The following GSK3B variants were observed in gnomAD, a reference collection of about 807,000 sequenced individuals.
GSK3B encodes the protein glycogen synthase kinase 3 beta.
A neutral mutation model predicts 56.4 loss-of-function variants in GSK3B; 15 were observed. That is an observed-to-expected ratio of 0.27 (90% CI 0.18 to 0.41). GSK3B has a LOEUF of 0.41. Among genes scored for constraint, GSK3B ranks in the 10% least tolerant of loss-of-function variants. GSK3B has a pLI of 1.00. For missense variants in GSK3B, 300 were observed against 513.4 expected, an observed-to-expected ratio of 0.58 and a Z score of 4.02; for synonymous variants, 181 against 188.9, an observed-to-expected ratio of 0.96 and a Z score of 0.34.
intron 7 of GSK3B, among the ~76,000 whole-genome samples, chr3:119,902,454 G>A (rs978660309): frequency 6.6e-6 from 1 of 152,144 alleles, no homozygotes; most frequent in Non-Finnish European, 1.5e-5. Context: ...AGGCTAGAGT[G>A]CAGTGGTACT....
chr3:120,089,087 T>A (rs1359588426), intron 1 of GSK3B, among the ~76,000 whole-genome samples: 1 of 152,248 alleles, frequency 6.6e-6, no homozygotes, highest in African/African-American at 2.4e-5. Flanking sequence ...ATATAAGGGC[T>A]ACACAGTAAA....
Position 120,048,640 on chromosome 3 carries a change from C to T in GSK3B, c.88+44707G>A, listed in dbSNP as rs890237161. ...CAGTAGTTGGCACATAAAAAATGCACTAGATAGGTGTTTATTACTGCTGCT... is the reference window on the plus strand; with the variant it reads ...CAGTAGTTGGCACATAAAAAATGCATTAGATAGGTGTTTATTACTGCTGCT... On this transcript the variant is annotated intron_variant, in intron 1 of 10. Transcript: ENST00000264235. Among the ~76,000 whole-genome samples, 58 of 152,122 alleles carry T rather than the reference C, an allele frequency of 3.8e-4. 1 individual carries two copies. The highest frequency in any genetic ancestry group is 3.2e-3 in the Admixed American group (49 of 15,278).
chr3:119,922,899 C>T (rs1217481281), intron 4 of GSK3B, among the ~76,000 whole-genome samples: 1 of 151,872 alleles, frequency 6.6e-6, no homozygotes, highest in Non-Finnish European at 1.5e-5. Context: ...TATTAGATAC[C>T]AAAAAATAAA....
chr3:120,071,119 T>G (rs2058323006), intron 1 of GSK3B, among the ~76,000 whole-genome samples: 1 of 152,202 alleles, frequency 6.6e-6, no homozygotes, highest in African/African-American at 2.4e-5. Flanking sequence ...TTCCTAAACT[T>G]TGGCCACAGA....
intron 3 of GSK3B, among the ~76,000 whole-genome samples, chr3:119,933,155 TGTA>T (rs2056963428): frequency 6.6e-6 from 1 of 152,040 alleles, no homozygotes; most frequent in Non-Finnish European, 1.5e-5. Context: ...CCAACAAAAC[TGTA>T]GAAAAATGCT....
At chr3:119,913,176 G>C (rs946642596) in intron 5 of GSK3B, among the ~76,000 whole-genome samples, 1 of 151,970 alleles carries the variant, frequency 6.6e-6, no homozygotes, top group African/African-American at 2.4e-5. Flanking sequence ...GCATGACAAT[G>C]GATTCTAAGA....
intron 8 of GSK3B, 29 bp downstream of exon 8, chr3:119,876,384 T>G (rs755845247): frequency 1.7e-6 from 2 of 1,162,672 alleles, no homozygotes; most frequent in Non-Finnish European, 2.6e-6. Flanking sequence ...AACTACTGAT[T>G]AATATACTTA....
At chr3:119,843,646 C>T (rs2055812049) in intron 9 of GSK3B, 1 of 188,472 alleles carries the variant, frequency 5.3e-6, no homozygotes, top group Admixed American at 6.1e-5. Context: ...TATATGCACC[C>T]AATACAGGAG....
intron 1 of GSK3B, among the ~76,000 whole-genome samples, chr3:120,087,918 A>T (rs1384964929): frequency 5.3e-5 from 8 of 151,906 alleles, no homozygotes; most frequent in Admixed American, 5.2e-4. Flanking sequence ...TTTGAGACAG[A>T]GTCTCTCTCT....
intron 9 of GSK3B, among the ~76,000 whole-genome samples, chr3:119,856,224 C>G (rs771307836): frequency 1.6e-4 from 24 of 152,202 alleles, no homozygotes; most frequent in Admixed American, 5.2e-4. Context: ...GTGTGTTGAC[C>G]AAGGTCTACA....
chr3:119,897,074 C>A (rs1431910450), intron 7 of GSK3B, among the ~76,000 whole-genome samples: 1 of 152,102 alleles, frequency 6.6e-6, no homozygotes, highest in East Asian at 1.9e-4. Context: ...AAAAAAGTTT[C>A]TTTGTATAAA....
chr3:120,089,504 T>C (rs1259981107), intron 1 of GSK3B, among the ~76,000 whole-genome samples: 2 of 152,336 alleles, frequency 1.3e-5, no homozygotes, highest in South Asian at 4.1e-4. Flanking sequence ...TCTAAGTTGC[T>C]ACCTACTCTT....
intron 2 of GSK3B, among the ~76,000 whole-genome samples, chr3:119,976,407 T>C (rs2057408802): frequency 6.6e-6 from 1 of 152,196 alleles, no homozygotes; most frequent in Non-Finnish European, 1.5e-5. Flanking sequence ...AGGAATGAAG[T>C]ACTGAGACAT....
intron 1 of GSK3B, among the ~76,000 whole-genome samples, chr3:120,063,530 C>A (rs1356466653): frequency 2.0e-5 from 3 of 150,302 alleles, no homozygotes; most frequent in African/African-American, 7.4e-5. Context: ...AGGTAGAGAC[C>A]AGCCTGGCCA....
At position 119,843,271 on chromosome 3, in the gene GSK3B, A is replaced by C. The variant is rs780658325; in HGVS notation, c.1179T>G (p.Asn393Lys). The C allele has an allele frequency of 5.0e-6, 8 of 1,607,014 alleles. No individual in the cohort carries two copies. The highest frequency in any genetic ancestry group is 1.7e-4 in the Middle Eastern group (1 of 6,044). The change falls in exon 10 of 11, where the codon AAT (asparagine) becomes AAG (lysine). Residue 393 changes from asparagine (N) to lysine (K), a missense_variant. Asn to Lys is a moderately conservative substitution (Grantham distance 94, BLOSUM62 0). Coordinates refer to ENST00000264235, the MANE Select transcript of GSK3B (RefSeq NM_001146156.2). The part of the protein sequence containing the change: ...RIQAAASTPT[N>K]ATAASDANTG... ...CGTTCTTACCTGACGCTGCTGTGGC[A>C]TTTGTGGGGGTTGAAGCAGCTGCTT...
intron 10 of GSK3B, among the ~76,000 whole-genome samples, chr3:119,841,940 C>T (rs1487189125): frequency 8.5e-5 from 13 of 152,158 alleles, no homozygotes; most frequent in Non-Finnish European, 2.9e-5. Context: ...TTTGACCTTA[C>T]TGTTTAATGA....
chr3:120,040,089 A>G (rs1004182661), intron 1 of GSK3B, among the ~76,000 whole-genome samples: 1 of 152,222 alleles, frequency 6.6e-6, no homozygotes, highest in Non-Finnish European at 1.5e-5. Flanking sequence ...TACCACAGCG[A>G]CTAGGTAACT....
chr3:120,065,836 G>C (rs1403924596), intron 1 of GSK3B, among the ~76,000 whole-genome samples: 1 of 152,066 alleles, frequency 6.6e-6, no homozygotes, highest in East Asian at 1.9e-4. Flanking sequence ...TATTCTAAGT[G>C]GAAAAAAGCC....
intron 1 of GSK3B, among the ~76,000 whole-genome samples, chr3:120,011,146 T>C (rs1459144230): frequency 6.6e-6 from 1 of 152,078 alleles, no homozygotes; most frequent in Non-Finnish European, 1.5e-5. Flanking sequence ...CTGTCTGGGG[T>C]CCAACCAAAA....
Sources: allele counts gnomAD v4.1 joint callset (sites outside exome capture counted in the v4.1 genomes callset), GRCh38; gene constraint gnomAD v4.1.1; transcripts MANE v1.5; gene names NCBI Gene and HGNC (gene_info 2026-07-23, HGNC 2026-07-21).